Variants in PTPRM observed in about 807,000 individuals in gnomAD.
The protein encoded by PTPRM is receptor-type tyrosine-protein phosphatase mu.
In PTPRM, 47 loss-of-function variants were observed where a neutral mutation model predicts 186.7. That is an observed-to-expected ratio of 0.25 (90% confidence interval 0.20 to 0.32). The LOEUF is 0.32. PTPRM is among the 10% of genes least tolerant of loss of function. PTPRM has a pLI of 1.00. For missense variants in PTPRM, 1,494 were observed against 1,865.0 expected (o/e 0.80, Z 3.66); for synonymous variants, 668 against 674.9 (o/e 0.99, Z 0.16).
chr18:8,335,754 G>A (rs1161680220), intron 22 of PTPRM, among the ~76,000 whole-genome samples: 1 of 152,216 alleles, frequency 6.6e-6, no homozygotes, highest in African/African-American at 2.4e-5. Flanking sequence ...AGGCGTGGCA[G>A]CTCACGCCTG....
chr18:8,009,673 A>G (rs950209907), intron 7 of PTPRM, among the ~76,000 whole-genome samples: 2 of 151,948 alleles, frequency 1.3e-5, no homozygotes, highest in East Asian at 3.9e-4. Context: ...GCACCACTGC[A>G]CTCCAGCCTG....
intron 13 of PTPRM, among the ~76,000 whole-genome samples, chr18:8,129,748 T>A (rs618381): frequency 1.2e-4 from 18 of 152,150 alleles, no homozygotes; most frequent in African/African-American, 3.6e-4. Flanking sequence ...CAGAATTTCC[T>A]TCATCATCAT....
In PTPRM at chr18:7,984,596, TATATATAC is replaced by T. The variant is rs1568129142; in HGVS notation, c.1132+29184_1132+29191del. Among the ~76,000 whole-genome samples, 5 of 117,994 alleles carry T rather than the reference TATATATAC, an allele frequency of 4.2e-5. No homozygotes were observed. The South Asian group carries it at 1.0e-3, about 24-fold the overall frequency. 77.4% of individuals were successfully genotyped at this position (117,994 alleles called of 152,430 possible). A position where few individuals can be genotyped will look rare whatever the true frequency, so the allele number is the denominator to read the frequency against. On this transcript the variant is annotated intron_variant, in intron 7 of 32. Coordinates refer to ENST00000580170, the MANE Select transcript of PTPRM (RefSeq NM_001105244.2). ...CCATATATATATATATATATATATA[TATATATAC>T]ACACACACACACACACACACACACA... is the stretch of plus-strand genomic sequence containing the variant.
intron 1 of PTPRM, among the ~76,000 whole-genome samples, chr18:7,615,241 A>G (rs2037773526): frequency 6.6e-6 from 1 of 152,128 alleles, no homozygotes; most frequent in African/African-American, 2.4e-5. Context: ...AAATTCGGGA[A>G]CTGTAACAGG....
chr18:8,268,197 G>A (rs911595115), intron 19 of PTPRM, among the ~76,000 whole-genome samples: 4 of 152,078 alleles, frequency 2.6e-5, no homozygotes, highest in Admixed American at 2.6e-4. Context: ...AGTATTGGCT[G>A]TTCCTATCCA....
intron 2 of PTPRM, among the ~76,000 whole-genome samples, chr18:7,884,364 G>A (rs1452110860): frequency 6.6e-6 from 1 of 152,172 alleles, no homozygotes; most frequent in East Asian, 1.9e-4. Flanking sequence ...ACAGAGGAGT[G>A]TACCGCAGGG....
intron 7 of PTPRM, among the ~76,000 whole-genome samples, chr18:8,000,659 A>T (rs1388835575): frequency 1.3e-5 from 2 of 152,210 alleles, no homozygotes; most frequent in Non-Finnish European, 2.9e-5. Context: ...CTAAAGTGGC[A>T]TCTTTAAACC....
chr18:8,305,898 TA>T (rs1767244477), intron 20 of PTPRM, among the ~76,000 whole-genome samples: 1 of 144,556 alleles, frequency 6.9e-6, no homozygotes, highest in African/African-American at 2.7e-5. Flanking sequence ...AGAAAAGGGG[TA>T]ATTTTTTTTT....
intron 7 of PTPRM, among the ~76,000 whole-genome samples, chr18:7,990,959 A>T (rs374540659): frequency 6.6e-6 from 1 of 152,148 alleles, no homozygotes; most frequent in African/African-American, 2.4e-5. Flanking sequence ...TGTGAAAATG[A>T]TTCAGATTAA....
At chr18:8,391,730 A>G (rs2148580668) in intron 31 of PTPRM, among the ~76,000 whole-genome samples, 1 of 152,346 alleles carries the variant, frequency 6.6e-6, no homozygotes, top group East Asian at 1.9e-4. Flanking sequence ...TTGTAGGTAT[A>G]TTATACTTTA....
At chr18:8,373,684 C>T (rs146758832) in intron 24 of PTPRM, among the ~76,000 whole-genome samples, 3,195 of 152,234 alleles carry the variant, frequency 0.021, 43 homozygotes, top group Middle Eastern at 0.041. Context: ...ATTTCTTAAG[C>T]ACCCACTTCA....
intron 3 of PTPRM, among the ~76,000 whole-genome samples, chr18:7,892,695 C>T (rs541876025): frequency 2.7e-4 from 41 of 152,288 alleles, no homozygotes; most frequent in African/African-American, 7.0e-4. Context: ...CAGGACTGTA[C>T]GGCTTAAACA....
At chr18:8,130,607 T>G (rs961099471) in intron 13 of PTPRM, among the ~76,000 whole-genome samples, 1 of 152,120 alleles carries the variant, frequency 6.6e-6, no homozygotes, top group Admixed American at 6.5e-5. Context: ...TCTCTCTCCT[T>G]CCCTTAATGG....
chr18:8,207,719 A>T (rs542793321), intron 14 of PTPRM, among the ~76,000 whole-genome samples: 2 of 152,366 alleles, frequency 1.3e-5, no homozygotes, highest in Non-Finnish European at 2.9e-5. Context: ...AATGAAAATG[A>T]ATTATTTTTA....
intron 9 of PTPRM, among the ~76,000 whole-genome samples, chr18:8,079,101 A>G (rs572391675): frequency 7.5e-6 from 1 of 133,636 alleles, no homozygotes; most frequent in East Asian, 2.0e-4. Context: ...AAAACGGCTG[A>G]CAGCATTGTT....
At chr18:7,902,851 T>C (rs1046660467) in intron 3 of PTPRM, among the ~76,000 whole-genome samples, 3 of 122,674 alleles carry the variant, frequency 2.4e-5, no homozygotes, top group Non-Finnish European at 5.8e-5. Context: ...TTTTTTTTTT[T>C]GTACTCTCCT....
intron 7 of PTPRM, among the ~76,000 whole-genome samples, chr18:8,069,306 T>C (rs915732168): frequency 1.3e-5 from 2 of 152,146 alleles, no homozygotes; most frequent in African/African-American, 4.8e-5. Flanking sequence ...TCTTAACATT[T>C]AAGTGTCTCA....
chr18:7,903,028 T>G (rs2146519060), intron 3 of PTPRM, among the ~76,000 whole-genome samples: 1 of 152,332 alleles, frequency 6.6e-6, no homozygotes, highest in Non-Finnish European at 1.5e-5. Flanking sequence ...AATTCCATTT[T>G]TAGTAGAAGC....
intron 5 of PTPRM, among the ~76,000 whole-genome samples, chr18:7,940,851 A>G (rs889978236): frequency 6.6e-5 from 10 of 151,938 alleles, no homozygotes; most frequent in Admixed American, 6.6e-4. Flanking sequence ...TTTCCTCCTT[A>G]AAGTCAATAT....
Sources: allele counts gnomAD v4.1 joint callset (sites outside exome capture counted in the v4.1 genomes callset), GRCh38; gene constraint gnomAD v4.1.1; transcripts MANE v1.5; gene names NCBI Gene and HGNC (gene_info 2026-07-23, HGNC 2026-07-21).